EML6: variants seen among roughly 807,000 people sequenced by gnomAD.
EML6 encodes echinoderm microtubule-associated protein-like 6.
Under a neutral mutation model 240.1 loss-of-function variants are expected in EML6, and 154 were observed. The ratio of observed to expected loss-of-function variants is 0.64; its 90% CI spans 0.56 to 0.73. The LOEUF is 0.73. Among genes scored for constraint, EML6 ranks in the 30% least tolerant of loss-of-function variants. The pLI is 0.00. For missense variants in EML6, 2,964 were observed against 2,474.6 expected (o/e 1.20, Z -4.20); for synonymous variants, 1,148 against 899.0 (o/e 1.28, Z -4.95).
chr2:54,775,943 T>C (rs1484182212), intron 2 of EML6, among the ~76,000 whole-genome samples: 2 of 152,232 alleles, frequency 1.3e-5, no homozygotes, highest in Non-Finnish European at 2.9e-5. Context: ...TTGGTCATGA[T>C]ACACAATTAT....
intron 34 of EML6, among the ~76,000 whole-genome samples, chr2:54,959,543 C>G (rs1676398689): frequency 1.3e-5 from 2 of 152,214 alleles, no homozygotes; most frequent in East Asian, 3.9e-4. Flanking sequence ...GGGCAGATCA[C>G]CTGAGGTCAG....
In EML6 at chr2:54,916,761, C is replaced by T. The variant is rs757317097; in HGVS notation, c.3501C>T (p.Ile1167=). The T allele has an allele frequency of 3.0e-5, 44 of 1,485,708 alleles. No homozygotes were observed. The Admixed American group carries it at 8.2e-4, about 28-fold the overall frequency. The allele number at this position is 1,485,708 out of a possible 1,614,324, so 92.0% of individuals were successfully genotyped here. The change falls in exon 26 of 42, where the codon ATC becomes ATT. Residue 1167 remains isoleucine, a splice_region_variant and synonymous_variant. Transcript: ENST00000356458. Reference sequence around the variant, plus strand: ...CATTCTCTTTCGTTCTTTTTCAGATCGAGAAGATAGAGTGGGACACATGGA... The same window carrying T: ...CATTCTCTTTCGTTCTTTTTCAGATTGAGAAGATAGAGTGGGACACATGGA... ...GKRHIIRPSE[I]EKIEWDTWTC...
intron 8 of EML6, among the ~76,000 whole-genome samples, chr2:54,844,747 C>G (rs1214844075): frequency 6.6e-6 from 1 of 152,166 alleles, no homozygotes; most frequent in Non-Finnish European, 1.5e-5. Flanking sequence ...ATGAAAGAAT[C>G]ATGGGGCCTG....
chr2:54,843,005 C>T (rs1392518598), intron 7 of EML6, among the ~76,000 whole-genome samples: 23 of 152,198 alleles, frequency 1.5e-4, no homozygotes, highest in Admixed American at 1.2e-3. Flanking sequence ...TATCTAGATT[C>T]TGATCAAATA....
rs1434868118 is a variant in EML6, at chr2:54,971,704, A to AAT, written c.*1609_*1610insAT. Reference sequence around the variant, plus strand: ...TCTGTAACCATGTGACTGGTGATGCAGAGTGATAACCATGTCTGCCTATCT... The same window carrying AAT: ...TCTGTAACCATGTGACTGGTGATGCAATGAGTGATAACCATGTCTGCCTATCT... On this transcript the variant is annotated 3_prime_UTR_variant, in exon 42 of 42. Coordinates refer to ENST00000356458, the MANE Select transcript of EML6 (RefSeq NM_001039753.4). The AAT allele has an allele frequency of 6.6e-6, 1 of 152,220 alleles. No individual in the cohort carries two copies. The highest frequency in any genetic ancestry group is 2.4e-5 in the African/African-American group (1 of 41,448). 9.4% of individuals were successfully genotyped at this position (152,220 alleles called of 1,614,324 possible).
chr2:54,904,074 T>C (rs1673195606), intron 24 of EML6, among the ~76,000 whole-genome samples: 1 of 152,236 alleles, frequency 6.6e-6, no homozygotes. Flanking sequence ...TTGCATAGTC[T>C]TAAGCTAGCA....
In EML6 at chr2:54,957,932, G is replaced by T. The variant is rs905806081; in HGVS notation, c.4629G>T (p.Lys1543Asn). The T allele has an allele frequency of 2.6e-6, 4 of 1,551,546 alleles. No homozygotes were observed. The highest frequency in any genetic ancestry group is 2.4e-5 in the South Asian group (2 of 84,054). The change falls in exon 33 of 42, where the codon AAG becomes AAT. Residue 1543 changes from lysine (K) to asparagine (N), a missense_variant. Transcript: ENST00000356458. ...TGGCAGGCAGCGCCTTGCTTTACAAGAAAGGGGTCATCGGGTCCCTGGGAG... is the reference window on the plus strand; with the variant it reads ...TGGCAGGCAGCGCCTTGCTTTACAATAAAGGGGTCATCGGGTCCCTGGGAG... ...WTLAGSALLY[K>N]KGVIGSLGAA...
At chr2:54,910,859 T>C in intron 24 of EML6, 95 bp from the exon 25 acceptor site, 1 of 628,478 alleles carries the variant, frequency 1.6e-6, no homozygotes, top group Non-Finnish European at 2.8e-6. Context: ...AGACTTTGAT[T>C]AAAATGAATC....
intron 3 of EML6, among the ~76,000 whole-genome samples, chr2:54,815,504 C>G (rs922070045): frequency 6.6e-6 from 1 of 152,212 alleles, no homozygotes; most frequent in African/African-American, 2.4e-5. Flanking sequence ...TTTTCTCCAT[C>G]AGGAAATGTG....
chr2:54,884,989 C>T (rs551010009), intron 17 of EML6, among the ~76,000 whole-genome samples: 21 of 152,028 alleles, frequency 1.4e-4, no homozygotes, highest in South Asian at 4.2e-4. Context: ...GCCCGGCCCC[C>T]GTCTCTACTA....
At chr2:54,825,705 A>G (rs148156027) in intron 5 of EML6, among the ~76,000 whole-genome samples, 2,501 of 152,206 alleles carry the variant, frequency 0.016, 32 homozygotes, top group Non-Finnish European at 0.028. Flanking sequence ...TTGCCAAGGC[A>G]TCCCTCTATT....
chr2:54,797,984 C>G (rs997615514), intron 2 of EML6, among the ~76,000 whole-genome samples: 2 of 151,952 alleles, frequency 1.3e-5, no homozygotes, highest in African/African-American at 2.4e-5. Context: ...TTCTAGGACC[C>G]TTGTACTTCA....
intron 32 of EML6, among the ~76,000 whole-genome samples, chr2:54,957,301 C>T (rs552230177): frequency 1.5e-5 from 2 of 137,556 alleles, no homozygotes; most frequent in South Asian, 4.9e-4. Context: ...ACCTAAACAC[C>T]ACAAACTAAA....
intron 7 of EML6, 81 bp from the exon 8 acceptor site, chr2:54,843,966 G>GTGTGTGTC: frequency 1.6e-5 from 5 of 309,246 alleles, no homozygotes; most frequent in Non-Finnish European, 3.2e-5. Context: ...TTAGGGTTTT[G>GTGTGTGTC]TGTGTGTGTG....
rs901501244 is a variant in EML6 at position 54,971,257 on chromosome 2, T to G, written c.*1162T>G. 6.6e-6 allele frequency: 1 copy of G among 152,232 alleles called. No individual in the cohort carries two copies. The highest frequency in any genetic ancestry group is 1.9e-4 in the East Asian group (1 of 5,198). The allele number at this position is 152,232 out of a possible 1,614,324, so 9.4% of individuals were successfully genotyped here. A position where few individuals can be genotyped will look rare whatever the true frequency, so the allele number is the denominator to read the frequency against. ...AGTTAGAGTTCCTTGGAGTTGGTTGTATGACGGAATATGACTTGGACAATC... is the reference window on the plus strand; with the variant it reads ...AGTTAGAGTTCCTTGGAGTTGGTTGGATGACGGAATATGACTTGGACAATC... On this transcript the variant is annotated 3_prime_UTR_variant, in exon 42 of 42. Transcript: ENST00000356458.
intron 24 of EML6, among the ~76,000 whole-genome samples, chr2:54,909,511 A>G (rs1255367078): frequency 6.6e-6 from 1 of 152,148 alleles, no homozygotes; most frequent in African/African-American, 2.4e-5. Flanking sequence ...AGAGAACCTT[A>G]TTTTTAGTCA....
intron 28 of EML6, among the ~76,000 whole-genome samples, chr2:54,929,971 CCTAATT>C (rs1192603559): frequency 3.3e-5 from 5 of 152,108 alleles, no homozygotes; most frequent in African/African-American, 9.6e-5. Flanking sequence ...TTTTAAAAGT[CCTAATT>C]CTAAGAATTA....
chr2:54,779,546 CA>C (rs57641161), intron 2 of EML6, among the ~76,000 whole-genome samples: 47,263 of 96,510 alleles, frequency 0.49, 9,409 homozygotes, highest in Admixed American at 0.54. Flanking sequence ...GACTCTGTCT[CA>C]AAAAAAAAAA....
intron 17 of EML6, among the ~76,000 whole-genome samples, chr2:54,888,015 C>T (rs9309259): frequency 0.69 from 105,703 of 152,178 alleles, 36,900 homozygotes; most frequent in Middle Eastern, 0.76. Context: ...TTTCATGTAG[C>T]GTTACCAAGC....
Sources: gnomAD v4.1 joint callset for allele counts (sites outside exome capture counted in the v4.1 genomes callset) on GRCh38, gnomAD v4.1.1 for gene constraint, MANE v1.5 for transcripts, NCBI Gene and HGNC (gene_info 2026-07-23, HGNC 2026-07-21) for gene names.